The following SHISA9 variants were observed in gnomAD, a reference collection of about 807,000 sequenced individuals.
The protein encoded by SHISA9 is shisa family member 9.
A neutral mutation model predicts 38.0 loss-of-function variants in SHISA9; 13 were observed. That is an observed-to-expected ratio of 0.34 (90% CI 0.22 to 0.54). The LOEUF (loss-of-function observed/expected upper bound fraction) is 0.54, where lower values mean the gene tolerates loss of function less well. SHISA9 is among the 20% of genes least tolerant of loss of function. The pLI is 0.91. For synonymous variants in SHISA9, 275 were observed against 242.0 expected, an observed-to-expected ratio of 1.14 and a Z score of -1.27; for missense variants, 538 against 575.8, an observed-to-expected ratio of 0.93 and a Z score of 0.67.
chr16:13,398,421 T>C, the SHISA9 span, among the ~76,000 whole-genome samples: 7 of 152,040 alleles, frequency 4.6e-5, no homozygotes, highest in Non-Finnish European at 1.0e-4. Context: ...CAGCTGTATA[T>C]AGGAATTTGT....
At chr16:13,208,871 T>G (rs1045880222) in intron 3 of SHISA9, among the ~76,000 whole-genome samples, 5 of 152,176 alleles carry the variant, frequency 3.3e-5, no homozygotes, top group Admixed American at 2.6e-4. Context: ...TAGTAAGGAC[T>G]CCCAACACCT....
the SHISA9 span, among the ~76,000 whole-genome samples, chr16:13,525,528 G>A: frequency 6.6e-6 from 1 of 152,024 alleles, no homozygotes; most frequent in African/African-American, 2.4e-5. Context: ...GTGGCTCAAA[G>A]AAATAATGAA....
At chr16:13,554,812 G>A in the SHISA9 span, among the ~76,000 whole-genome samples, 108 of 152,254 alleles carry the variant, frequency 7.1e-4, no homozygotes, top group East Asian at 8.3e-3. Context: ...TCTAAAAGAA[G>A]ATGTGGGAAA....
At chr16:13,091,782 C>G (rs1410756634) in intron 2 of SHISA9, among the ~76,000 whole-genome samples, 2 of 152,144 alleles carry the variant, frequency 1.3e-5, no homozygotes, top group Non-Finnish European at 2.9e-5. Flanking sequence ...TTACTACCGA[C>G]CTTCTGAAGC....
the SHISA9 span, among the ~76,000 whole-genome samples, chr16:13,374,687 G>T: frequency 6.6e-6 from 1 of 152,074 alleles, no homozygotes; most frequent in Non-Finnish European, 1.5e-5. Context: ...GCCTATTAAT[G>T]GGATGCCTGG....
chr16:13,390,421 C>G, the SHISA9 span, among the ~76,000 whole-genome samples: 1 of 152,128 alleles, frequency 6.6e-6, no homozygotes, highest in African/African-American at 2.4e-5. Flanking sequence ...CTCACTGGTT[C>G]TCTGCATCTG....
intron 2 of SHISA9, among the ~76,000 whole-genome samples, chr16:13,159,020 A>G (rs2050572247): frequency 6.6e-6 from 1 of 150,962 alleles, no homozygotes; most frequent in Non-Finnish European, 1.5e-5. Context: ...AAATTGCGCC[A>G]CTACACTCCA....
the SHISA9 span, among the ~76,000 whole-genome samples, chr16:13,503,176 T>C: frequency 6.6e-6 from 1 of 152,024 alleles, no homozygotes; most frequent in African/African-American, 2.4e-5. Context: ...CAGGAAAAGG[T>C]TGATGTGTTT....
At chr16:13,213,152 G>A (rs2051136079) in intron 3 of SHISA9, 101 bp from the exon 4 acceptor site, 1 of 999,664 alleles carries the variant, frequency 1.0e-6, no homozygotes. Context: ...CTGCTTGGAG[G>A]CTGCAGCAGG....
intron 4 of SHISA9, among the ~76,000 whole-genome samples, chr16:13,217,062 A>T (rs921776148): frequency 5.9e-5 from 9 of 151,764 alleles, no homozygotes; most frequent in African/African-American, 2.2e-4. Flanking sequence ...ACGAGGTCAG[A>T]GGATCGAGAC....
At chr16:13,016,176 C>G (rs892009866) in intron 2 of SHISA9, among the ~76,000 whole-genome samples, 5 of 151,294 alleles carry the variant, frequency 3.3e-5, no homozygotes, top group Middle Eastern at 3.2e-3. Flanking sequence ...GACAGAGTTT[C>G]ACCATGTTGG....
At chr16:13,215,356 C>T (rs2051158141) in intron 4 of SHISA9, among the ~76,000 whole-genome samples, 1 of 152,194 alleles carries the variant, frequency 6.6e-6, no homozygotes, top group South Asian at 2.1e-4. Context: ...AGCTTTACAT[C>T]AGTGTATTTA....
intron 2 of SHISA9, among the ~76,000 whole-genome samples, chr16:13,179,814 G>A (rs115056420): frequency 9.8e-5 from 15 of 152,336 alleles, no homozygotes; most frequent in African/African-American, 3.1e-4. Flanking sequence ...AAGAGGAAAG[G>A]TTAGAGTGTA....
At chr16:13,043,195 TGGG>T (rs1567193036) in intron 2 of SHISA9, among the ~76,000 whole-genome samples, 1 of 151,962 alleles carries the variant, frequency 6.6e-6, no homozygotes, top group Non-Finnish European at 1.5e-5. Flanking sequence ...CAGTAAGTGG[TGGG>T]GGGAATGGTG....
intron 2 of SHISA9, among the ~76,000 whole-genome samples, chr16:13,028,368 T>A (rs920710486): frequency 1.3e-5 from 2 of 151,982 alleles, no homozygotes; most frequent in African/African-American, 4.8e-5. Flanking sequence ...ATACCGAGAC[T>A]GGGCAATTTA....
chr16:13,006,501 C>T (rs1304126270), intron 2 of SHISA9, among the ~76,000 whole-genome samples: 2 of 152,242 alleles, frequency 1.3e-5, no homozygotes, highest in African/African-American at 2.4e-5. Context: ...TCTCCAAGGA[C>T]ATTGCAAGTC....
At chr16:12,932,583 T>C (rs275407) in intron 2 of SHISA9, among the ~76,000 whole-genome samples, 56,360 of 152,062 alleles carry the variant, frequency 0.37, 10,631 homozygotes, top group South Asian at 0.48. Flanking sequence ...CCTCAGGTGA[T>C]CTGCCCATCT....
At chr16:13,270,699 A>C in the SHISA9 span, among the ~76,000 whole-genome samples, 1 of 152,202 alleles carries the variant, frequency 6.6e-6, no homozygotes, top group Non-Finnish European at 1.5e-5. Context: ...TCTGAAAATA[A>C]GGATAATTAT....
chr16:13,030,115 T>C (rs960685582), intron 2 of SHISA9, among the ~76,000 whole-genome samples: 15 of 152,240 alleles, frequency 9.9e-5, no homozygotes, highest in Admixed American at 5.2e-4. Flanking sequence ...GAATTTTGAA[T>C]GACTTTTAAA....
Sources: allele counts gnomAD v4.1 joint callset (sites outside exome capture counted in the v4.1 genomes callset), GRCh38; gene constraint gnomAD v4.1.1; transcripts MANE v1.5; gene names NCBI Gene and HGNC (gene_info 2026-07-23, HGNC 2026-07-21).